The following NECAB1 variants were observed in gnomAD, a reference collection of about 807,000 sequenced individuals.
NECAB1 encodes the protein N-terminal EF-hand calcium-binding protein 1.
A neutral mutation model predicts 57.5 loss-of-function variants in NECAB1; 29 were observed. The observed-to-expected ratio is 0.50, with a 90% CI of 0.38 to 0.69. NECAB1 has a LOEUF of 0.69. Ranked by LOEUF, NECAB1 falls within the 30% of genes least tolerant of loss-of-function variation. The pLI is 0.00. For missense variants in NECAB1, 372 were observed against 413.8 expected, an observed-to-expected ratio of 0.90 and a Z score of 0.88; for synonymous variants, 142 against 147.7, an observed-to-expected ratio of 0.96 and a Z score of 0.28.
intron 10 of NECAB1, among the ~76,000 whole-genome samples, chr8:90,944,537 T>C (rs1810752996): frequency 1.3e-5 from 2 of 152,198 alleles, no homozygotes; most frequent in African/African-American, 2.4e-5. Context: ...GTTTTTGTCA[T>C]AGGGAGGTAC....
intron 3 of NECAB1, among the ~76,000 whole-genome samples, chr8:90,871,475 G>T (rs1216871242): frequency 1.3e-5 from 2 of 152,038 alleles, no homozygotes; most frequent in African/African-American, 4.8e-5. Flanking sequence ...CTTGATGTTT[G>T]GCATTTGCCT....
rs1238126215 is a variant in NECAB1 at position 90,956,866 on chromosome 8, G to T, written c.*1354G>T. ...TTTGTATACTCTCAGTTCTCATTCA[G>T]TATAAATAAAATTTTAAAATCCTTT... On this transcript the variant is annotated 3_prime_UTR_variant, in exon 13 of 13. Transcript: ENST00000417640. The T allele has an allele frequency of 6.6e-6, 1 of 151,844 alleles. No homozygotes were observed. The highest frequency in any genetic ancestry group is 2.4e-5 in the African/African-American group (1 of 41,210). The allele number at this position is 151,844 out of a possible 1,614,324, so 9.4% of individuals were successfully genotyped here. A position where few individuals can be genotyped will look rare whatever the true frequency, so the allele number is the denominator to read the frequency against.
At chr8:90,905,949 A>G (rs1809630589) in intron 5 of NECAB1, among the ~76,000 whole-genome samples, 1 of 152,186 alleles carries the variant, frequency 6.6e-6, no homozygotes, top group South Asian at 2.1e-4. Context: ...GTTTCTTGCA[A>G]TAGTCTCTCA....
At chr8:90,913,343 A>G (rs1193477844) in intron 5 of NECAB1, among the ~76,000 whole-genome samples, 1 of 143,966 alleles carries the variant, frequency 6.9e-6, no homozygotes, top group East Asian at 2.1e-4. Context: ...GACAATTTCC[A>G]CTTAATGATT....
intron 2 of NECAB1, among the ~76,000 whole-genome samples, chr8:90,823,308 C>A (rs1156802214): frequency 6.6e-6 from 1 of 151,730 alleles, no homozygotes; most frequent in African/African-American, 2.4e-5. Context: ...GATTATTGTG[C>A]CTTTTGTGTT....
chr8:90,879,284 G>T (rs946033711), intron 4 of NECAB1, among the ~76,000 whole-genome samples: 3 of 149,754 alleles, frequency 2.0e-5, no homozygotes, highest in African/African-American at 7.4e-5. Context: ...GACTTCCCAG[G>T]CTCAAGCAAT....
intron 3 of NECAB1, among the ~76,000 whole-genome samples, chr8:90,840,499 C>T (rs1327011286): frequency 6.6e-6 from 1 of 152,224 alleles, no homozygotes; most frequent in Admixed American, 6.5e-5. Flanking sequence ...TTGTTCACTG[C>T]CTTTGGAATC....
At chr8:90,820,879 C>G (rs1812132857) in intron 2 of NECAB1, among the ~76,000 whole-genome samples, 1 of 151,864 alleles carries the variant, frequency 6.6e-6, no homozygotes. Context: ...AAATCCATAT[C>G]TACCATTGTT....
At chr8:90,861,364 G>C in intron 3 of NECAB1, among the ~76,000 whole-genome samples, 1 of 152,140 alleles carries the variant, frequency 6.6e-6, no homozygotes, top group East Asian at 1.9e-4. Flanking sequence ...AAAGAAGCAT[G>C]CATGGAAAAT....
chr8:90,856,617 T>C (rs1812799582), intron 3 of NECAB1, among the ~76,000 whole-genome samples: 1 of 152,226 alleles, frequency 6.6e-6, no homozygotes, highest in South Asian at 2.1e-4. Flanking sequence ...AATCCACTCA[T>C]GAATTTTATT....
At chr8:90,802,078 T>C (rs1811766786) in intron 2 of NECAB1, among the ~76,000 whole-genome samples, 1 of 152,212 alleles carries the variant, frequency 6.6e-6, no homozygotes. Context: ...TGTCCTAGAA[T>C]TATTACAATA....
intron 5 of NECAB1, among the ~76,000 whole-genome samples, chr8:90,882,614 T>A (rs960631906): frequency 1.3e-5 from 2 of 152,082 alleles, no homozygotes; most frequent in East Asian, 3.8e-4. Flanking sequence ...TTAAATACCA[T>A]GGCCTCAGAA....
chr8:90,865,009 G>A (rs1808486574), intron 3 of NECAB1, among the ~76,000 whole-genome samples: 1 of 152,108 alleles, frequency 6.6e-6, no homozygotes, highest in Non-Finnish European at 1.5e-5. Context: ...GGAGAACTAT[G>A]ATCAACAGCC....
At chr8:90,854,961 C>T (rs1264166383) in intron 3 of NECAB1, among the ~76,000 whole-genome samples, 1 of 152,184 alleles carries the variant, frequency 6.6e-6, no homozygotes, top group African/African-American at 2.4e-5. Flanking sequence ...AATGTCTGAC[C>T]AAGCTCTCAT....
chr8:90,856,634 G>A (rs1471973447), intron 3 of NECAB1, among the ~76,000 whole-genome samples: 1 of 152,166 alleles, frequency 6.6e-6, no homozygotes, highest in Non-Finnish European at 1.5e-5. Context: ...TATTTGGAAC[G>A]TGTTTTGGTC....
At chr8:90,912,580 T>C (rs548950058) in intron 5 of NECAB1, among the ~76,000 whole-genome samples, 2 of 152,236 alleles carry the variant, frequency 1.3e-5, no homozygotes, top group Non-Finnish European at 2.9e-5. Flanking sequence ...ATCTGTAGTC[T>C]GAAATTATTT....
intron 3 of NECAB1, among the ~76,000 whole-genome samples, chr8:90,834,659 C>G (rs998767023): frequency 6.6e-5 from 10 of 152,064 alleles, no homozygotes; most frequent in Non-Finnish European, 1.5e-5. Flanking sequence ...GACTAAGACA[C>G]TCACAAACCA....
chr8:90,822,861 T>C (rs568245897), intron 2 of NECAB1, among the ~76,000 whole-genome samples: 361 of 144,734 alleles, frequency 2.5e-3, no homozygotes, highest in African/African-American at 9.5e-3. Context: ...TTTTCTTTTT[T>C]CTTTATTTTT....
At chr8:90,849,389 A>G (rs1278809892) in intron 3 of NECAB1, among the ~76,000 whole-genome samples, 1 of 151,836 alleles carries the variant, frequency 6.6e-6, no homozygotes, top group East Asian at 1.9e-4. Flanking sequence ...GGATCACTTG[A>G]GCCCAGGAGT....
Sources: allele counts gnomAD v4.1 joint callset (sites outside exome capture counted in the v4.1 genomes callset), GRCh38; gene constraint gnomAD v4.1.1; transcripts MANE v1.5; gene names NCBI Gene and HGNC (gene_info 2026-07-23, HGNC 2026-07-21).